HIF1A: variants seen among roughly 807,000 people sequenced by gnomAD.
The protein encoded by HIF1A is hypoxia inducible factor 1 subunit alpha, also known as hypoxia-inducible factor 1-alpha.
In HIF1A, 24 loss-of-function variants were observed where a neutral mutation model predicts 92.7. That is an observed-to-expected ratio of 0.26 (90% CI 0.19 to 0.36). The LOEUF (loss-of-function observed/expected upper bound fraction) is 0.36, where lower values mean the gene tolerates loss of function less well. Among genes scored for constraint, HIF1A ranks in the 10% least tolerant of loss-of-function variants. HIF1A has a pLI of 1.00. For missense variants in HIF1A, 799 were observed against 998.5 expected (o/e 0.80, Z 2.69); for synonymous variants, 319 against 338.7 (o/e 0.94, Z 0.64).
At chr14:61,744,990 T>C (rs1218268564) in intron 13 of HIF1A, among the ~76,000 whole-genome samples, 177 bp downstream of exon 13, 2 of 152,196 alleles carry the variant, frequency 1.3e-5, no homozygotes, top group Non-Finnish European at 2.9e-5. Flanking sequence ...ATACAAATGT[T>C]TAATACATAC....
intron 5 of HIF1A, 54 bp downstream of exon 5, chr14:61,726,872 G>A (rs893535110): frequency 2.0e-6 from 2 of 983,636 alleles, no homozygotes; most frequent in Non-Finnish European, 3.1e-6. Flanking sequence ...CATAGACATT[G>A]TAGTATTAAG....
intron 1 of HIF1A, among the ~76,000 whole-genome samples, chr14:61,707,451 C>T (rs1205193794): frequency 6.6e-6 from 1 of 151,992 alleles, no homozygotes; most frequent in East Asian, 1.9e-4. Context: ...TGCTATCCCT[C>T]CCCGCTCCCC....
intron 4 of HIF1A, among the ~76,000 whole-genome samples, chr14:61,722,877 G>A (rs1159926293): frequency 6.6e-6 from 1 of 152,100 alleles, no homozygotes; most frequent in Non-Finnish European, 1.5e-5. Context: ...AAAAATTAAA[G>A]TCTTTCTACA....
At chr14:61,728,056 A>G (rs2044529354) in intron 6 of HIF1A, among the ~76,000 whole-genome samples, 1 of 151,936 alleles carries the variant, frequency 6.6e-6, no homozygotes. Context: ...GTTAAACTAT[A>G]CTTTCCACTA....
Position 61,734,182 on chromosome 14 carries a change from G to T in HIF1A, c.925G>T (p.Ala309Ser). The change falls in exon 8 of 15, where the codon GCC (alanine) becomes TCC (serine). Residue 309 changes from alanine (A) to serine (S), a missense_variant. By Grantham distance (99) the Ala-to-Ser change is moderately conservative. This residue lies in a region of HIF1A where 516 missense variants were observed against 721.0 expected (regional missense o/e 0.72). Transcript: ENST00000337138. ...QVTTGQYRML[A>S]KRGGYVWVET... ...CACCACAGGACAGTACAGGATGCTT[G>T]CCAAAAGAGGTGGATATGTCTGGGT... 1.2e-6 allele frequency: 2 copies of T among 1,612,958 alleles called. No homozygotes were observed. Among genetic ancestry groups the T allele is most frequent in the Non-Finnish European group, 1.7e-6 (2 of 1,179,162 alleles).
intron 1 of HIF1A, among the ~76,000 whole-genome samples, chr14:61,718,728 A>AT (rs2044391549): frequency 6.6e-6 from 1 of 152,220 alleles, no homozygotes; most frequent in African/African-American, 2.4e-5. Flanking sequence ...CCTAGTTCAT[A>AT]TAACTAGTTA....
chr14:61,717,783 AGGCCGAGGCG>A (rs375268372), intron 1 of HIF1A, among the ~76,000 whole-genome samples: 94 of 152,288 alleles, frequency 6.2e-4, no homozygotes, highest in African/African-American at 2.2e-3. Context: ...GCACTTTGGG[AGGCCGAGGCG>A]GGTGGATCAC....
At chr14:61,716,733 C>T (rs1279560089) in intron 1 of HIF1A, among the ~76,000 whole-genome samples, 2 of 151,968 alleles carry the variant, frequency 1.3e-5, no homozygotes, top group African/African-American at 2.4e-5. Flanking sequence ...CTTAATAAGA[C>T]GGGCTCAAAA....
chr14:61,732,341 T>A, intron 6 of HIF1A, 77 bp from the exon 7 acceptor site: 1 of 841,942 alleles, frequency 1.2e-6, no homozygotes, highest in Non-Finnish European at 2.0e-6. Context: ...TGCCTATCAG[T>A]TAACTTGGGA....
chr14:61,726,741 C>G lies in HIF1A; in HGVS notation c.493C>G (p.Arg165Gly). 1 of 1,607,868 alleles carries G rather than the reference C, an allele frequency of 6.2e-7. No homozygotes were observed. The highest frequency in any genetic ancestry group is 8.5e-7 in the Non-Finnish European group (1 of 1,177,270). Residue 165 changes from arginine to glycine, a missense_variant, in exon 5 of 15, where the codon CGA (arginine) becomes GGA (glycine). Arg to Gly is a moderately radical substitution (Grantham distance 125). Around this residue, in one of 2 missense-constraint regions of HIF1A, gnomAD observed 516 missense variants for 721.0 expected, o/e 0.72. Transcript: ENST00000337138. Reference protein sequence around the residue: ...VKKGKEQNTQRSFFLRMKCTL... With the variant: ...VKKGKEQNTQGSFFLRMKCTL... ...AAAGGGTAAAGAACAAAACACACAGCGAAGCTTTTTTCTCAGAATGAAGTG... is the reference window on the plus strand; with the variant it reads ...AAAGGGTAAAGAACAAAACACACAGGGAAGCTTTTTTCTCAGAATGAAGTG...
chr14:61,744,874 TGTG>T, intron 13 of HIF1A, 61 bp downstream of exon 13: 1 of 634,776 alleles, frequency 1.6e-6, no homozygotes, highest in Non-Finnish European at 2.8e-6. Flanking sequence ...TGTGTGTGTG[TGTG>T]TGTGTGTGTG....
chr14:61,697,458 T>A (rs959502860), intron 1 of HIF1A, among the ~76,000 whole-genome samples: 4 of 152,182 alleles, frequency 2.6e-5, no homozygotes, highest in Non-Finnish European at 5.9e-5. Flanking sequence ...TATGTACCAC[T>A]TTTTTTATAT....
At chr14:61,700,004 C>T (rs1209289921) in intron 1 of HIF1A, among the ~76,000 whole-genome samples, 2 of 151,606 alleles carry the variant, frequency 1.3e-5, no homozygotes, top group African/African-American at 2.4e-5. Flanking sequence ...ATTTATAAAC[C>T]CTTATTTATT....
chr14:61,695,747 A>G lies in HIF1A; in HGVS notation c.-58A>G. On this transcript the variant is annotated 5_prime_UTR_variant, in exon 1 of 15. Transcript: ENST00000337138. ...CCGCGTGTGGAGGGAGCCAGCGCTT[A>G]GGCCGGAGCGAGCCTGGGGGCCGCC... is the stretch of plus-strand genomic sequence containing the variant. 6.4e-7 allele frequency: 1 copy of G among 1,553,792 alleles called. No homozygotes were observed. The highest frequency in any genetic ancestry group is 2.0e-5 in the Admixed American group (1 of 51,218).
At chr14:61,697,620 T>C (rs2044131400) in intron 1 of HIF1A, 4 of 1,076,206 alleles carry the variant, frequency 3.7e-6, no homozygotes, top group South Asian at 8.5e-5. Context: ...CAAAATTTTC[T>C]CATTTGAAAA....
chr14:61,708,830 C>T (rs1268170777), intron 1 of HIF1A, among the ~76,000 whole-genome samples: 2 of 152,142 alleles, frequency 1.3e-5, no homozygotes, highest in Admixed American at 6.5e-5. Flanking sequence ...TGAAAACTGA[C>T]GTTTGAGAAC....
intron 10 of HIF1A, 46 bp downstream of exon 10, chr14:61,738,419 A>G: frequency 7.0e-7 from 1 of 1,430,304 alleles, no homozygotes; most frequent in Non-Finnish European, 9.5e-7. Context: ...TCAGATTTTA[A>G]CATTCAAGAA....
intron 1 of HIF1A, among the ~76,000 whole-genome samples, chr14:61,696,296 C>CGG (rs2044115297): frequency 6.6e-6 from 1 of 152,250 alleles, no homozygotes; most frequent in Non-Finnish European, 1.5e-5. Context: ...ATTGAAAACT[C>CGG]GGCCCTGGGG....
intron 6 of HIF1A, among the ~76,000 whole-genome samples, chr14:61,728,885 C>T (rs2044540324): frequency 6.6e-6 from 1 of 152,106 alleles, no homozygotes. Flanking sequence ...ATGCTTCCCT[C>T]CATCTTTGCA....
Sources: allele counts gnomAD v4.1 joint callset (sites outside exome capture counted in the v4.1 genomes callset), GRCh38; gene constraint gnomAD v4.1.1; regional missense constraint gnomAD v4.1.1; transcripts MANE v1.5; gene names NCBI Gene and HGNC (gene_info 2026-07-23, HGNC 2026-07-21).